ECE1: variants seen among roughly 807,000 people sequenced by gnomAD.
ECE1 encodes the protein endothelin-converting enzyme 1.
In ECE1, 35 loss-of-function variants were observed where a neutral mutation model predicts 98.6. The ratio of observed to expected loss-of-function variants is 0.35; its 90% CI spans 0.27 to 0.47. The LOEUF is 0.47. Among genes scored for constraint, ECE1 ranks in the 20% least tolerant of loss-of-function variants. The pLI, the probability that ECE1 is intolerant of heterozygous loss-of-function variation, is 1.00. For missense variants in ECE1, 814 were observed against 1,025.3 expected (o/e 0.79, Z 2.81); for synonymous variants, 394 against 407.1 (o/e 0.97, Z 0.39).
intron 7 of ECE1, among the ~76,000 whole-genome samples, 177 bp from the exon 8 acceptor site, chr1:21,256,315 G>A (rs2098219907): frequency 6.6e-6 from 1 of 152,202 alleles, no homozygotes; most frequent in Non-Finnish European, 1.5e-5. Flanking sequence ...TGGCACTTTG[G>A]GAGGCTGAGG....
intron 8 of ECE1, among the ~76,000 whole-genome samples, chr1:21,252,853 A>T (rs1191228204): frequency 2.0e-5 from 3 of 152,216 alleles, no homozygotes; most frequent in Non-Finnish European, 4.4e-5. Context: ...CATCGCTAAT[A>T]ACAAAGGAAT....
chr1:21,341,876 G>C (rs1020304044), intron 1 of ECE1, among the ~76,000 whole-genome samples: 1 of 151,832 alleles, frequency 6.6e-6, no homozygotes, highest in Non-Finnish European at 1.5e-5. Flanking sequence ...GGCCTCAAGT[G>C]ATCCTCTCGC....
Position 21,245,037 on chromosome 1 carries a change from A to C in ECE1, c.1230T>G (p.Phe410Leu). ...RKTSSFLDQR[F>L]QDADEKFMEV... The stretch of plus-strand genomic sequence containing the variant: ...CCATGAACTTCTCATCGGCGTCCTG[A>C]AAGCGCTGGTCAAGGAAGGAGCTTG... Residue 410 changes from phenylalanine to leucine, a missense_variant, in exon 10 of 19, where the codon TTT becomes TTG. Physicochemically the swap from Phe to Leu is conservative, Grantham distance 22 (BLOSUM62 0). Transcript: ENST00000374893. The C allele has an allele frequency of 6.2e-7, 1 of 1,614,204 alleles. No homozygotes were observed.
At chr1:21,230,910 C>T (rs893485212) in intron 14 of ECE1, among the ~76,000 whole-genome samples, 4 of 152,066 alleles carry the variant, frequency 2.6e-5, no homozygotes, top group African/African-American at 4.8e-5. Context: ...TCACCCGCAA[C>T]GTCTGCTTCC....
intron 1 of ECE1, among the ~76,000 whole-genome samples, chr1:21,323,339 C>A (rs1367364417): frequency 2.6e-5 from 4 of 152,138 alleles, no homozygotes; most frequent in South Asian, 2.1e-4. Flanking sequence ...GACTGCAGGC[C>A]GGATACTCTG....
At chr1:21,339,717 T>C (rs1257768929) in intron 1 of ECE1, among the ~76,000 whole-genome samples, 1 of 152,204 alleles carries the variant, frequency 6.6e-6, no homozygotes, top group Admixed American at 6.5e-5. Flanking sequence ...ACCTCCCTGA[T>C]GTTAGATCCC....
intron 10 of ECE1, among the ~76,000 whole-genome samples, chr1:21,243,834 G>A (rs1331629822): frequency 6.6e-6 from 1 of 152,226 alleles, no homozygotes; most frequent in Non-Finnish European, 1.5e-5. Flanking sequence ...TTTGTCCTCT[G>A]CAGGGCAGTA....
chr1:21,290,141 G>A lies in ECE1; in HGVS notation c.67C>T (p.Arg23Trp), dbSNP rs1182348444. Residue 23 changes from arginine to tryptophan, a missense_variant, in exon 2 of 19, where the codon CGG (arginine) becomes TGG (tryptophan). Arg to Trp is a moderately radical substitution (Grantham distance 101). Around this residue, in one of 3 missense-constraint regions of ECE1, gnomAD observed 257 missense variants for 278.9 expected, o/e 0.92. Transcript: ENST00000374893. The surrounding 1 kb of genome is among the most constrained non-coding windows in gnomAD (Gnocchi z 7.3). The part of the protein sequence containing the change: ...LSALGMSTYK[R>W]ATLDEEDLVD... ...AGGTCCTCCTCGTCCAGCGTGGCCC[G>A]CTTGTACGTCGACATCTGCAAGGCC... 7.7e-6 allele frequency: 12 copies of A among 1,565,450 alleles called. No homozygotes were observed. The highest frequency in any genetic ancestry group is 2.5e-5 in the East Asian group (1 of 39,480).
At chr1:21,272,439 A>C (rs992929711) in intron 4 of ECE1, among the ~76,000 whole-genome samples, 4 of 152,288 alleles carry the variant, frequency 2.6e-5, no homozygotes, top group African/African-American at 9.6e-5. Context: ...CTACAGGCGC[A>C]CGCCACCATG....
chr1:21,311,509 CAA>C (rs397979522), intron 1 of ECE1, among the ~76,000 whole-genome samples: 1,386 of 74,252 alleles, frequency 0.019, 11 homozygotes, highest in Non-Finnish European at 0.027. Flanking sequence ...CCTGTCTCCA[CAA>C]AAAAAAAAAA....
At chr1:21,281,260 C>T (rs764879348) in intron 2 of ECE1, among the ~76,000 whole-genome samples, 3 of 151,766 alleles carry the variant, frequency 2.0e-5, no homozygotes, top group Non-Finnish European at 4.4e-5. Context: ...GAGACACTTC[C>T]GTGGAGGCCC....
At chr1:21,227,838 A>G in intron 15 of ECE1, 93 bp downstream of exon 15, 1 of 1,015,174 alleles carries the variant, frequency 9.9e-7, no homozygotes, top group South Asian at 1.5e-5. Context: ...GCACTGGGGC[A>G]AAGATCACAT....
At position 21,279,113 on chromosome 1, in the gene ECE1, G is replaced by T. The variant is rs530755745; in HGVS notation, c.280+78C>A. The T allele has an allele frequency of 1.8e-5, 29 of 1,612,084 alleles. No homozygotes were observed. In the East Asian group the frequency reaches 5.6e-4, roughly 31 times the overall value. ...CAGAGCCCTGCCCCGGCTTAAGCAGGGAAGCCCCCCTCGCCCGAGCTGACG... is the reference window on the plus strand; with the variant it reads ...CAGAGCCCTGCCCCGGCTTAAGCAGTGAAGCCCCCCTCGCCCGAGCTGACG... On this transcript the variant is annotated intron_variant, in intron 3 of 18. Coordinates refer to ENST00000374893, the MANE Select transcript of ECE1 (RefSeq NM_001397.3).
At chr1:21,301,816 A>T (rs1638489568) in intron 1 of ECE1, among the ~76,000 whole-genome samples, 1 of 121,522 alleles carries the variant, frequency 8.2e-6, no homozygotes, top group African/African-American at 3.3e-5. Flanking sequence ...ACAGAGTGAG[A>T]CCCTGTCTCA....
chr1:21,272,589 G>C (rs1274336219), intron 4 of ECE1, 110 bp downstream of exon 4: 24 of 1,345,062 alleles, frequency 1.8e-5, no homozygotes, highest in Non-Finnish European at 2.5e-5. Flanking sequence ...ACCGTGCCCG[G>C]CCCATTCTGC....
Position 21,243,402 on chromosome 1 carries a change from A to T in ECE1, c.1278+1587T>A, listed in dbSNP as rs1456150739. On this transcript the variant is annotated intron_variant, in intron 10 of 18. Transcript: ENST00000374893. ...TTAAAATAAACACATAAATATATTA[A>T]AAAAAAAAAAAAAACAGAGACAGGA... Among the ~76,000 whole-genome samples, 3 of 51,508 alleles carry T rather than the reference A, an allele frequency of 5.8e-5. No individual in the cohort carries two copies. In the African/African-American group the frequency reaches 8.3e-4, roughly 14 times the overall value. 33.8% of individuals were successfully genotyped at this position (51,508 alleles called of 152,430 possible).
chr1:21,312,183 G>A lies in ECE1; in HGVS notation c.4-22027C>T, dbSNP rs139465290. On this transcript the variant is annotated intron_variant, in intron 1 of 18. Coordinates refer to the ECE1 transcript ENST00000415912. The stretch of plus-strand genomic sequence containing the variant: ...TCTGGTGTGGTGGCACATACCTATC[G>A]TCCTAGCTACTCAGGAGGCTAAGGC... Among the ~76,000 whole-genome samples the A allele has an allele frequency of 6.4e-3, 882 of 138,014 alleles. 10 individuals are homozygous for A. The highest frequency in any genetic ancestry group is 0.023 in the African/African-American group (827 of 36,570). 90.5% of individuals were successfully genotyped at this position (138,014 alleles called of 152,430 possible).
At chr1:21,337,478 G>C (rs1185890562) in intron 1 of ECE1, among the ~76,000 whole-genome samples, 2 of 152,226 alleles carry the variant, frequency 1.3e-5, no homozygotes, top group African/African-American at 4.8e-5. Context: ...GTAGTATGCA[G>C]GTGTGTGCAT....
Position 21,220,099 on chromosome 1 carries a change from G to C in ECE1, c.2169C>G (p.Ser723=). 1 of 1,613,814 alleles carries C rather than the reference G, an allele frequency of 6.2e-7. No individual in the cohort carries two copies. Among genetic ancestry groups the C allele is most frequent in the Non-Finnish European group, 8.5e-7 (1 of 1,179,758 alleles). The change falls in exon 19 of 19, where the codon TCC becomes TCG. Residue 723 remains serine, a synonymous_variant. Transcript: ENST00000374893. This position sits in a 1 kb window ranked among gnomAD's most constrained non-coding sequence, Gnocchi z 5.0. The part of the protein sequence containing the change: ...VWCSVRTPES[S]HEGLITDPHS... ...GGGGATCGGTGATGAGGCCTTCGTG[G>C]GAGCTCTCAGGTGTGCGGACGGAGC...
Sources: gnomAD v4.1 joint callset for allele counts (sites outside exome capture counted in the v4.1 genomes callset) on GRCh38, gnomAD v4.1.1 for gene constraint, gnomAD v4.1.1 regional missense constraint, Gnocchi (gnomAD v3.1) non-coding constraint, MANE v1.5 for transcripts, NCBI Gene and HGNC (gene_info 2026-07-23, HGNC 2026-07-21) for gene names.